WDFY4: variants seen among roughly 807,000 people sequenced by gnomAD.
WDFY4 encodes the protein WDFY family member 4, also known as WD repeat- and FYVE domain-containing protein 4.
A neutral mutation model predicts 351.9 loss-of-function variants in WDFY4; 169 were observed. That is an observed-to-expected ratio of 0.48 (90% CI 0.42 to 0.55). The LOEUF is 0.55. Ranked by LOEUF, WDFY4 falls within the 20% of genes least tolerant of loss-of-function variation. WDFY4 has a pLI of 0.00. For missense variants in WDFY4, 3,803 were observed against 3,935.6 expected (o/e 0.97, Z 0.90); for synonymous variants, 1,622 against 1,574.6 (o/e 1.03, Z -0.71).
At chr10:48,700,780 G>A (rs2063458791) in intron 1 of WDFY4, among the ~76,000 whole-genome samples, 1 of 152,208 alleles carries the variant, frequency 6.6e-6, no homozygotes, top group Non-Finnish European at 1.5e-5. Context: ...CTAGTGCGGA[G>A]CTAGCACTCA....
At chr10:48,823,123 CAG>C in intron 35 of WDFY4, 2 of 1,301,498 alleles carry the variant, frequency 1.5e-6, no homozygotes, top group Non-Finnish European at 2.0e-6. Flanking sequence ...CATATACACA[CAG>C]AGAGAATCGT....
At chr10:48,766,681 T>A (rs2065682538) in intron 13 of WDFY4, among the ~76,000 whole-genome samples, 1 of 152,186 alleles carries the variant, frequency 6.6e-6, no homozygotes, top group African/African-American at 2.4e-5. Context: ...CTTCCATGGA[T>A]GTGGAATGGT....
chr10:48,730,366 A>T (rs1318505359), intron 8 of WDFY4, among the ~76,000 whole-genome samples: 1 of 152,216 alleles, frequency 6.6e-6, no homozygotes, highest in African/African-American at 2.4e-5. Context: ...GCAGTAACAC[A>T]TGGGGCACAG....
rs533434817 is a variant in WDFY4 at position 48,732,010 on chromosome 10, G to C, written c.1582+448G>C. Among the ~76,000 whole-genome samples, 61 of 152,230 alleles carry C rather than the reference G, an allele frequency of 4.0e-4. 1 individual carries two copies. The South Asian group carries it at 0.012, about 31-fold the overall frequency. The stretch of plus-strand genomic sequence containing the variant: ...GGGAGAGAGCTCCTTGGGGTCTTGC[G>C]GGCCCAGCACGCCCCTCCAAGTCTT... On this transcript the variant is annotated intron_variant, in intron 9 of 61. Transcript: ENST00000325239.
At chr10:48,885,420 A>T (rs2070414388) in intron 43 of WDFY4, among the ~76,000 whole-genome samples, 1 of 152,242 alleles carries the variant, frequency 6.6e-6, no homozygotes, top group Middle Eastern at 3.2e-3. Context: ...TGCTTTGAAC[A>T]GTCCTTGGGT....
chr10:48,953,349 A>ACACACC (rs1841431514), intron 51 of WDFY4, among the ~76,000 whole-genome samples: 1 of 151,704 alleles, frequency 6.6e-6, no homozygotes, highest in Non-Finnish European at 1.5e-5. Flanking sequence ...ACACACACAC[A>ACACACC]CACACACACA....
chr10:48,873,704 G>A lies in WDFY4; in HGVS notation c.6948+7G>A, dbSNP rs773676864. The stretch of plus-strand genomic sequence containing the variant: ...GAGCTCAGGAAGGCACAAGGTAGGA[G>A]TCAGGCGCAGTGGGACAGTGCTGGT... On this transcript the variant is annotated splice_region_variant and intron_variant, in intron 41 of 61. Transcript: ENST00000325239. The A allele has an allele frequency of 8.4e-6, 13 of 1,551,396 alleles. No homozygotes were observed. The African/African-American group carries it at 1.6e-4, about 20-fold the overall frequency.
intron 35 of WDFY4, 27 bp downstream of exon 35, chr10:48,822,564 CTG>C (rs1387547268): frequency 6.7e-7 from 1 of 1,485,800 alleles, no homozygotes; most frequent in East Asian, 2.5e-5. Context: ...GACCGGGTAT[CTG>C]TGTGGATCTG....
chr10:48,750,474 G>A (rs2065147724), intron 12 of WDFY4, among the ~76,000 whole-genome samples: 2 of 152,298 alleles, frequency 1.3e-5, no homozygotes, highest in Non-Finnish European at 1.5e-5. Flanking sequence ...CACTCTGCCT[G>A]GACAGTTGCT....
chr10:48,743,663 T>C, intron 12 of WDFY4, 115 bp downstream of exon 12: 2 of 1,227,408 alleles, frequency 1.6e-6, no homozygotes, highest in Non-Finnish European at 2.2e-6. Flanking sequence ...TGTGCAGAAA[T>C]GTCATGTGAC....
chr10:48,969,238 G>A lies in WDFY4; in HGVS notation c.8759G>A (p.Gly2920Asp). 1 of 1,551,330 alleles carries A rather than the reference G, an allele frequency of 6.4e-7. No homozygotes were observed. The highest frequency in any genetic ancestry group is 8.7e-7 in the Non-Finnish European group (1 of 1,146,920). ...DDFSCCLGSYGSDKVLMTFEN... is the reference protein window; with the variant it reads ...DDFSCCLGSYDSDKVLMTFEN... ...TTCAGCTGCTGCTTGGGGAGCTACG[G>A]CTCCGACAAGGTGAGGGGGCTGCAG... is the stretch of plus-strand genomic sequence containing the variant. Residue 2920 changes from glycine to aspartate, a missense_variant, in exon 56 of 62, where the codon GGC becomes GAC. Physicochemically the swap from Gly to Asp is moderately conservative, Grantham distance 94. Coordinates refer to ENST00000325239, the MANE Select transcript of WDFY4 (RefSeq NM_001394531.1).
rs796260358 is a variant in WDFY4 at position 48,720,031 on chromosome 10, G to T, written c.255G>T (p.Gly85=). The T allele has an allele frequency of 6.4e-7, 1 of 1,551,714 alleles. No individual in the cohort carries two copies. Among genetic ancestry groups the T allele is most frequent in the South Asian group, 1.2e-5 (1 of 84,060 alleles). The stretch of plus-strand genomic sequence containing the variant: ...TTCAGGCCTGGGAACACTCCGTGGG[G>T]ATCATCTGCTTTCCCAGTCTCCAAA... ...LFLKAWEHSV[G]IICFPSLQRL... is the part of the protein sequence containing the mutation. The change falls in exon 3 of 62, where the codon GGG becomes GGT. Residue 85 remains glycine, a synonymous_variant. Coordinates refer to ENST00000325239, the MANE Select transcript of WDFY4 (RefSeq NM_001394531.1).
intron 36 of WDFY4, among the ~76,000 whole-genome samples, chr10:48,827,564 C>A (rs1388609530): frequency 6.7e-6 from 1 of 149,110 alleles, no homozygotes; most frequent in African/African-American, 2.5e-5. Flanking sequence ...CATTCTCCAG[C>A]ATCTCAGCAT....
chr10:48,907,589 C>T (rs191794252), intron 47 of WDFY4, among the ~76,000 whole-genome samples: 3 of 152,092 alleles, frequency 2.0e-5, no homozygotes, highest in Admixed American at 6.5e-5. Context: ...ACCATAAGAA[C>T]CTATGCGATT....
chr10:48,966,809 C>A, intron 55 of WDFY4, 136 bp downstream of exon 55: 1 of 1,215,834 alleles, frequency 8.2e-7, no homozygotes, highest in Non-Finnish European at 1.1e-6. Flanking sequence ...CATCTCCAGT[C>A]ACAGCCAGAT....
In WDFY4 at chr10:48,826,843, C is replaced by A; in HGVS notation, c.6155C>A (p.Thr2052Asn). ...LQEHWDVVFA[T>N]YNSNISFLLC... Reference sequence around the variant, plus strand: ...GAGCACTGGGATGTTGTCTTTGCCACCTACAATTCCAACATCAGCTTCCTC... The same window carrying A: ...GAGCACTGGGATGTTGTCTTTGCCAACTACAATTCCAACATCAGCTTCCTC... Residue 2052 changes from threonine (T) to asparagine (N), a missense_variant, in exon 36 of 62, where the codon ACC becomes AAC. Physicochemically the swap from Thr to Asn is moderately conservative, Grantham distance 65. This residue lies in a region of WDFY4 where 3,054 missense variants were observed against 3,148.6 expected (regional missense o/e 0.97). Coordinates refer to ENST00000325239, the MANE Select transcript of WDFY4 (RefSeq NM_001394531.1). 6.4e-7 allele frequency: 1 copy of A among 1,551,842 alleles called. No individual in the cohort carries two copies. The highest frequency in any genetic ancestry group is 8.7e-7 in the Non-Finnish European group (1 of 1,147,010).
At chr10:48,881,589 A>G (rs1349870498) in intron 43 of WDFY4, among the ~76,000 whole-genome samples, 2 of 152,194 alleles carry the variant, frequency 1.3e-5, no homozygotes, top group Non-Finnish European at 2.9e-5. Context: ...GGAGGTCCCT[A>G]AACTGAAAGC....
intron 13 of WDFY4, among the ~76,000 whole-genome samples, chr10:48,761,307 G>A (rs1490462795): frequency 2.0e-5 from 3 of 152,188 alleles, no homozygotes; most frequent in African/African-American, 4.8e-5. Context: ...CCTCTCTCAC[G>A]TGAGTGGAGG....
At chr10:48,807,052 T>C (rs2457214) in intron 27 of WDFY4, among the ~76,000 whole-genome samples, 71,664 of 151,984 alleles carry the variant, frequency 0.47, 18,171 homozygotes, top group East Asian at 0.83. Context: ...GACTAAGAAA[T>C]TTAGGTTCAA....
Sources: gnomAD v4.1 joint callset for allele counts (sites outside exome capture counted in the v4.1 genomes callset) on GRCh38, gnomAD v4.1.1 for gene constraint, gnomAD v4.1.1 regional missense constraint, MANE v1.5 for transcripts, NCBI Gene and HGNC (gene_info 2026-07-23, HGNC 2026-07-21) for gene names.